The following CCSER1 variants were observed in gnomAD, a reference collection of about 807,000 sequenced individuals.
CCSER1 encodes the protein serine-rich coiled-coil domain-containing protein 1.
Under a neutral mutation model 82.0 loss-of-function variants are expected in CCSER1, and 41 were observed. That is an observed-to-expected ratio of 0.50 (90% confidence interval 0.39 to 0.65). CCSER1 has a LOEUF of 0.65. Among genes scored for constraint, CCSER1 ranks in the 30% least tolerant of loss-of-function variants. CCSER1 has a pLI of 0.00. For missense variants in CCSER1, 1,119 were observed against 1,064.2 expected, an observed-to-expected ratio of 1.05 and a Z score of -0.72; for synonymous variants, 414 against 383.9, an observed-to-expected ratio of 1.08 and a Z score of -0.92.
chr4:90,636,850 A>G (rs1470831812), intron 6 of CCSER1, among the ~76,000 whole-genome samples: 1 of 152,216 alleles, frequency 6.6e-6, no homozygotes, highest in Non-Finnish European at 1.5e-5. Context: ...GAAAAAGTGT[A>G]ACAGGCATAA....
intron 5 of CCSER1, among the ~76,000 whole-genome samples, chr4:90,529,553 C>A (rs149583775): frequency 3.8e-4 from 58 of 152,204 alleles, no homozygotes; most frequent in African/African-American, 1.3e-3. Flanking sequence ...TTTTAATGAC[C>A]TACTACTGAT....
chr4:91,182,588 C>T (rs1232933243), intron 10 of CCSER1, among the ~76,000 whole-genome samples: 1 of 152,116 alleles, frequency 6.6e-6, no homozygotes, highest in Non-Finnish European at 1.5e-5. Flanking sequence ...TATGGGATAC[C>T]AGTAATGTGT....
intron 5 of CCSER1, among the ~76,000 whole-genome samples, chr4:90,561,099 T>C (rs1254583227): frequency 6.6e-6 from 1 of 152,224 alleles, no homozygotes; most frequent in Non-Finnish European, 1.5e-5. Context: ...CGAAAGCCAC[T>C]GCCATGGACG....
At chr4:91,133,098 A>G (rs1321004963) in intron 10 of CCSER1, among the ~76,000 whole-genome samples, 2 of 152,100 alleles carry the variant, frequency 1.3e-5, no homozygotes, top group Non-Finnish European at 2.9e-5. Flanking sequence ...TTGTTTTCCA[A>G]CTAAGACTTT....
rs147250416 is a variant in CCSER1 at position 91,385,268 on chromosome 4, T to A, written c.2218-213304T>A. Among the ~76,000 whole-genome samples the A allele has an allele frequency of 9.9e-5, 15 of 151,914 alleles. No individual in the cohort carries two copies. In the East Asian group the frequency reaches 2.5e-3, roughly 25 times the overall value. On this transcript the variant is annotated intron_variant, in intron 10 of 10. Transcript: ENST00000509176. ...GAATGAGGAAGATATTTATGAAAGG[T>A]ATGGGGTGATTTTTCAAAAGATGAT...
chr4:90,314,603 A>G (rs929343000), intron 3 of CCSER1, among the ~76,000 whole-genome samples: 4 of 151,900 alleles, frequency 2.6e-5, no homozygotes, highest in Admixed American at 2.0e-4. Flanking sequence ...AAAAAATTTA[A>G]TAATTAGCTA....
At chr4:90,306,193 G>C (rs1340166650) in intron 1 of CCSER1, among the ~76,000 whole-genome samples, 3 of 152,130 alleles carry the variant, frequency 2.0e-5, no homozygotes, top group African/African-American at 7.2e-5. Context: ...CTGGGGTGTC[G>C]GGGCCAGGGG....
At chr4:90,139,599 T>C (rs941832602) in intron 1 of CCSER1, among the ~76,000 whole-genome samples, 5 of 152,218 alleles carry the variant, frequency 3.3e-5, no homozygotes, top group African/African-American at 1.2e-4. Context: ...ATTTTTTTCC[T>C]TGAGAACACA....
chr4:90,349,287 C>T (rs958081664), intron 3 of CCSER1, among the ~76,000 whole-genome samples: 3 of 151,966 alleles, frequency 2.0e-5, no homozygotes, highest in Non-Finnish European at 4.4e-5. Flanking sequence ...CAGGTAAATA[C>T]GTGGCAAAAT....
rs192033224 is a variant in CCSER1, at chr4:91,177,223, G to A, written c.2217+91229G>A. On this transcript the variant is annotated intron_variant, in intron 10 of 10. Coordinates refer to ENST00000509176, the MANE Select transcript of CCSER1 (RefSeq NM_001145065.2). The stretch of plus-strand genomic sequence containing the variant: ...ATGTGCTGCTGGATTCGGTTTGCCA[G>A]TATTTTATTGAGGAATTTTGCATTG... 8.5e-5 allele frequency among the ~76,000 whole-genome samples: 13 copies of A among 152,322 alleles called. No homozygotes were observed. In the East Asian group the frequency reaches 2.5e-3, roughly 29 times the overall value.
chr4:91,374,011 T>A (rs934206979), intron 10 of CCSER1, among the ~76,000 whole-genome samples: 3 of 152,190 alleles, frequency 2.0e-5, no homozygotes, highest in Non-Finnish European at 4.4e-5. Flanking sequence ...TTCAATTTTA[T>A]GAAGGCTGAG....
rs185825698 is a variant in CCSER1 at position 91,144,770 on chromosome 4, T to G, written c.2217+58776T>G. ...TTAGTTTCTGTGTAATTGCATGGTT[T>G]TTCAGATGCTCTTCATATTGATTTC... On this transcript the variant is annotated intron_variant, in intron 10 of 10. Transcript: ENST00000509176. Among the ~76,000 whole-genome samples, 456 of 152,220 alleles carry G rather than the reference T, an allele frequency of 3.0e-3. 1 individual carries two copies. The highest frequency in any genetic ancestry group is 0.011 in the African/African-American group (440 of 41,568).
intron 5 of CCSER1, among the ~76,000 whole-genome samples, chr4:90,626,911 A>C (rs1362261185): frequency 6.6e-6 from 1 of 152,184 alleles, no homozygotes; most frequent in East Asian, 1.9e-4. Context: ...ATCCTAGGTT[A>C]TTTCATTTTA....
intron 4 of CCSER1, among the ~76,000 whole-genome samples, chr4:90,447,382 A>G (rs1452391002): frequency 6.6e-6 from 1 of 152,056 alleles, no homozygotes; most frequent in Non-Finnish European, 1.5e-5. Context: ...GCATTCTCTT[A>G]CTAGAACTTG....
intron 6 of CCSER1, among the ~76,000 whole-genome samples, chr4:90,648,184 C>T (rs1727939951): frequency 6.8e-6 from 1 of 147,912 alleles, no homozygotes; most frequent in Non-Finnish European, 1.5e-5. Context: ...AGTTTATCAA[C>T]AAATTTTCAT....
chr4:90,840,837 ATTC>A (rs1286313427), intron 8 of CCSER1, among the ~76,000 whole-genome samples: 3 of 152,082 alleles, frequency 2.0e-5, no homozygotes, highest in Admixed American at 1.3e-4. Flanking sequence ...CAGAGAGTAA[ATTC>A]TTCTTCAGGC....
chr4:90,504,677 A>G (rs1425147179), intron 5 of CCSER1, among the ~76,000 whole-genome samples: 1 of 152,214 alleles, frequency 6.6e-6, no homozygotes, highest in Non-Finnish European at 1.5e-5. Context: ...CATATAGCAA[A>G]GTGTAAAATA....
chr4:90,163,329 C>T (rs1356333981), intron 1 of CCSER1, among the ~76,000 whole-genome samples: 2 of 152,044 alleles, frequency 1.3e-5, no homozygotes, highest in Non-Finnish European at 2.9e-5. Context: ...AGAAATAGAA[C>T]GCCATTCTTA....
chr4:91,426,815 A>G (rs916787855), intron 10 of CCSER1, among the ~76,000 whole-genome samples: 155 of 152,204 alleles, frequency 1.0e-3, no homozygotes, highest in Non-Finnish European at 1.8e-3. Flanking sequence ...ATATAAAAAA[A>G]TGATTCCAAC....
Sources: gnomAD v4.1 joint callset for allele counts (sites outside exome capture counted in the v4.1 genomes callset) on GRCh38, gnomAD v4.1.1 for gene constraint, MANE v1.5 for transcripts, NCBI Gene and HGNC (gene_info 2026-07-23, HGNC 2026-07-21) for gene names.